DLG2: variants seen among roughly 807,000 people sequenced by gnomAD.
The protein encoded by DLG2 is discs large MAGUK scaffold protein 2.
Under a neutral mutation model 132.5 loss-of-function variants are expected in DLG2, and 45 were observed. That is an observed-to-expected ratio of 0.34 (90% confidence interval 0.27 to 0.44). The LOEUF is 0.44. DLG2 is among the 20% of genes least tolerant of loss of function. The probability of loss-of-function intolerance (pLI) is 1.00; values close to 1 mark genes in which losing one functional copy is unlikely to be tolerated. For missense variants in DLG2, 1,045 were observed against 1,196.9 expected, an observed-to-expected ratio of 0.87 and a Z score of 1.87; for synonymous variants, 424 against 419.6, an observed-to-expected ratio of 1.01 and a Z score of -0.13.
At chr11:85,400,085 G>GA (rs1168489485) in intron 3 of DLG2, among the ~76,000 whole-genome samples, 3 of 151,670 alleles carry the variant, frequency 2.0e-5, no homozygotes, top group South Asian at 4.2e-4. Flanking sequence ...AAATTTACAA[G>GA]AAAAAAACAA....
At chr11:83,794,963 T>C (rs1006635161) in intron 17 of DLG2, among the ~76,000 whole-genome samples, 1 of 152,190 alleles carries the variant, frequency 6.6e-6, no homozygotes, top group African/African-American at 2.4e-5. Context: ...CTCTGCTCTG[T>C]GGTGGTCCAA....
intron 5 of DLG2, among the ~76,000 whole-genome samples, chr11:85,126,506 G>C (rs1386298526): frequency 1.3e-5 from 2 of 152,172 alleles, no homozygotes; most frequent in Non-Finnish European, 2.9e-5. Context: ...TATTAAGACA[G>C]TCATAGAATC....
intron 3 of DLG2, among the ~76,000 whole-genome samples, chr11:85,561,124 G>A (rs2077210468): frequency 6.6e-6 from 1 of 151,000 alleles, no homozygotes; most frequent in African/African-American, 2.4e-5. Flanking sequence ...GGGAGGCCAA[G>A]GCAAGAGGAT....
intron 6 of DLG2, among the ~76,000 whole-genome samples, chr11:84,573,975 T>C (rs1265008517): frequency 1.3e-5 from 2 of 152,160 alleles, no homozygotes; most frequent in Non-Finnish European, 2.9e-5. Flanking sequence ...TACTTAACTA[T>C]TCAACCAACT....
At chr11:84,429,977 A>T (rs1444476615) in intron 7 of DLG2, among the ~76,000 whole-genome samples, 1 of 152,178 alleles carries the variant, frequency 6.6e-6, no homozygotes, top group African/African-American at 2.4e-5. Flanking sequence ...TCTTCTCCAT[A>T]TCAGAGGTCC....
intron 3 of DLG2, among the ~76,000 whole-genome samples, chr11:85,414,030 G>A (rs1025504029): frequency 1.4e-4 from 22 of 152,016 alleles, no homozygotes; most frequent in Non-Finnish European, 7.4e-5. Context: ...CCATTCATGT[G>A]CATGGGATGT....
intron 4 of DLG2, among the ~76,000 whole-genome samples, chr11:85,245,483 A>G (rs879878220): frequency 4.6e-5 from 7 of 151,876 alleles, no homozygotes; most frequent in Admixed American, 2.6e-4. Flanking sequence ...GAATCCTAAC[A>G]CTTCTCACCA....
chr11:83,791,818 C>G (rs977107170), intron 17 of DLG2, among the ~76,000 whole-genome samples: 1 of 152,190 alleles, frequency 6.6e-6, no homozygotes, highest in South Asian at 2.1e-4. Flanking sequence ...GTGACTGCTG[C>G]GCTCGCCTTT....
At chr11:85,049,107 A>G (rs990330345) in intron 6 of DLG2, among the ~76,000 whole-genome samples, 7 of 152,032 alleles carry the variant, frequency 4.6e-5, no homozygotes, top group African/African-American at 1.7e-4. Context: ...GAAAACCATG[A>G]GTTTTACCCT....
At position 83,457,772 on chromosome 11, in the gene DLG2, G is replaced by A. The variant is rs1252890106; in HGVS notation, c.*2046C>T. On this transcript the variant is annotated 3_prime_UTR_variant, in exon 28 of 28. Coordinates refer to ENST00000376104, the MANE Select transcript of DLG2 (RefSeq NM_001142699.3). ...AAGTAGGCCTTGACCTGAAACTGGC[G>A]AATTGCAGACATGGACATATCTTTA... is the stretch of plus-strand genomic sequence containing the variant. The A allele has an allele frequency of 3.3e-5, 5 of 152,550 alleles. No individual in the cohort carries two copies. The highest frequency in any genetic ancestry group is 7.3e-5 in the Non-Finnish European group (5 of 68,038). The allele number at this position is 152,550 out of a possible 1,614,324, so 9.4% of individuals were successfully genotyped here.
chr11:85,131,315 A>G (rs1031573293), intron 5 of DLG2, among the ~76,000 whole-genome samples: 3 of 152,136 alleles, frequency 2.0e-5, no homozygotes, highest in Non-Finnish European at 2.9e-5. Flanking sequence ...TTACAATATT[A>G]ATTATGTTTC....
chr11:84,049,947 T>G (rs1466003516), intron 11 of DLG2, among the ~76,000 whole-genome samples: 3 of 151,542 alleles, frequency 2.0e-5, no homozygotes, highest in African/African-American at 7.3e-5. Context: ...ACATTCAAAG[T>G]TGGGAATGAA....
At chr11:84,911,086 T>C (rs546207090) in intron 6 of DLG2, among the ~76,000 whole-genome samples, 1 of 152,114 alleles carries the variant, frequency 6.6e-6, no homozygotes, top group South Asian at 2.1e-4. Flanking sequence ...ATTATTAATA[T>C]TTTTATAATA....
At chr11:85,519,707 GA>G (rs1229894841) in intron 3 of DLG2, among the ~76,000 whole-genome samples, 3 of 152,164 alleles carry the variant, frequency 2.0e-5, no homozygotes, top group South Asian at 2.1e-4. Context: ...GTCAGGGGTG[GA>G]ATAATATGGT....
intron 6 of DLG2, among the ~76,000 whole-genome samples, chr11:85,102,400 A>C (rs961893855): frequency 1.3e-5 from 2 of 152,060 alleles, no homozygotes; most frequent in Non-Finnish European, 2.9e-5. Context: ...CAGAATCTTT[A>C]ATGGTGCTAT....
chr11:84,364,184 A>C lies in DLG2; in HGVS notation c.520-112893T>G, dbSNP rs986946388. ...ATTTGTTTGTATCCTCTTTTATTTC[A>C]TTGAGAAGTGGTTTGTAGTTCTCCT... is the stretch of plus-strand genomic sequence containing the variant. On this transcript the variant is annotated intron_variant, in intron 7 of 27. Transcript: ENST00000376104. 7.4e-3 allele frequency among the ~76,000 whole-genome samples: 1,126 copies of C among 151,370 alleles called. 11 individuals are homozygous for C. Among genetic ancestry groups the C allele is most frequent in the Non-Finnish European group, 0.013 (885 of 67,740 alleles).
At position 83,966,228 on chromosome 11, in the gene DLG2, C is replaced by T. The variant is rs926501192; in HGVS notation, c.1057-760G>A. Among the ~76,000 whole-genome samples the T allele has an allele frequency of 7.9e-5, 12 of 151,898 alleles. 1 individual carries two copies. The highest frequency in any genetic ancestry group is 6.2e-4 in the South Asian group (3 of 4,836). ...CCTGTTTCCCTCTGGAAAGATGAAC[C>T]GGTTTACTCTCATACCAGCATTATA... On this transcript the variant is annotated intron_variant, in intron 12 of 27. Coordinates refer to ENST00000376104, the MANE Select transcript of DLG2 (RefSeq NM_001142699.3).
At chr11:83,688,151 A>G (rs1273601006) in intron 18 of DLG2, among the ~76,000 whole-genome samples, 1 of 152,226 alleles carries the variant, frequency 6.6e-6, no homozygotes, top group Non-Finnish European at 1.5e-5. Flanking sequence ...TCAATTAATT[A>G]CCACGAAATT....
intron 6 of DLG2, among the ~76,000 whole-genome samples, chr11:84,780,758 T>C (rs938394090): frequency 1.3e-5 from 2 of 152,152 alleles, no homozygotes; most frequent in African/African-American, 4.8e-5. Context: ...AGCTCCAATA[T>C]ACACATTTAG....
Sources: gnomAD v4.1 joint callset for allele counts (sites outside exome capture counted in the v4.1 genomes callset) on GRCh38, gnomAD v4.1.1 for gene constraint, MANE v1.5 for transcripts, NCBI Gene and HGNC (gene_info 2026-07-23, HGNC 2026-07-21) for gene names.